The following TOGARAM1 variants were observed in gnomAD, a reference collection of about 807,000 sequenced individuals.
TOGARAM1 encodes TOG array regulator of axonemal microtubules 1.
In TOGARAM1, 100 loss-of-function variants were observed where a neutral mutation model predicts 166.6. The observed-to-expected ratio is 0.60, with a 90% CI of 0.51 to 0.71. TOGARAM1 has a LOEUF of 0.71. Among genes scored for constraint, TOGARAM1 ranks in the 30% least tolerant of loss-of-function variants. The pLI, the probability that TOGARAM1 is intolerant of heterozygous loss-of-function variation, is 0.00. For synonymous variants in TOGARAM1, 758 were observed against 763.8 expected (o/e 0.99, Z 0.13); for missense variants, 2,029 against 2,102.7 (o/e 0.96, Z 0.69).
At chr14:45,043,356 T>G (rs1881822958) in intron 11 of TOGARAM1, among the ~76,000 whole-genome samples, 1 of 152,108 alleles carries the variant, frequency 6.6e-6, no homozygotes, top group Non-Finnish European at 1.5e-5. Context: ...TTTTGTATTT[T>G]CAGTAGAGAC....
At position 45,027,180 on chromosome 14, in the gene TOGARAM1, G is replaced by T. The variant is rs577721833; in HGVS notation, c.3329-119G>T. ...TTTATATTTTATAATTATTTAGCAT[G>T]TTTTTCTTACTAACTGTGTTGTTTG... On this transcript the variant is annotated intron_variant, in intron 8 of 19. Transcript: ENST00000361462. 4.3e-6 allele frequency: 4 copies of T among 922,882 alleles called. No homozygotes were observed. In the African/African-American group the frequency reaches 6.8e-5, roughly 16 times the overall value. The allele number at this position is 922,882 out of a possible 1,614,324, so 57.2% of individuals were successfully genotyped here. A position where few individuals can be genotyped will look rare whatever the true frequency, so the allele number is the denominator to read the frequency against.
chr14:45,004,855 T>A (rs1887872060), intron 4 of TOGARAM1, among the ~76,000 whole-genome samples: 1 of 152,246 alleles, frequency 6.6e-6, no homozygotes, highest in Admixed American at 6.5e-5. Context: ...CATATGCTTA[T>A]TGCAATTAAT....
At chr14:45,065,040 C>A (rs1308393800) in intron 16 of TOGARAM1, among the ~76,000 whole-genome samples, 1 of 152,000 alleles carries the variant, frequency 6.6e-6, no homozygotes, top group Non-Finnish European at 1.5e-5. Context: ...TAGTATTAGA[C>A]CACTTTAAGT....
intron 7 of TOGARAM1, among the ~76,000 whole-genome samples, chr14:45,021,061 G>T (rs1880470319): frequency 6.6e-6 from 1 of 152,150 alleles, no homozygotes; most frequent in African/African-American, 2.4e-5. Context: ...CTAGTCCTTT[G>T]TAGGGGTTAG....
intron 10 of TOGARAM1, among the ~76,000 whole-genome samples, chr14:45,031,590 C>T (rs1033789592): frequency 1.3e-5 from 2 of 152,230 alleles, no homozygotes; most frequent in East Asian, 1.9e-4. Flanking sequence ...AAAATGGGAT[C>T]GTACTACTTC....
chr14:45,040,820 C>T (rs778822291), intron 11 of TOGARAM1, among the ~76,000 whole-genome samples: 1 of 152,162 alleles, frequency 6.6e-6, no homozygotes, highest in Non-Finnish European at 1.5e-5. Context: ...AGGCAGATCA[C>T]TTGAGGCCAG....
At chr14:45,059,683 A>G (rs571224831) in intron 16 of TOGARAM1, among the ~76,000 whole-genome samples, 1 of 152,076 alleles carries the variant, frequency 6.6e-6, no homozygotes, top group South Asian at 2.1e-4. Flanking sequence ...ACAAAACAAA[A>G]CAAAAAACAA....
At chr14:44,969,764 A>G (rs1469094712) in intron 1 of TOGARAM1, among the ~76,000 whole-genome samples, 1 of 152,046 alleles carries the variant, frequency 6.6e-6, no homozygotes, top group Non-Finnish European at 1.5e-5. Flanking sequence ...TTTTTTTTAC[A>G]TGTGCATGTT....
chr14:44,977,231 CT>C (rs397707333), intron 1 of TOGARAM1, among the ~76,000 whole-genome samples: 4,563 of 123,152 alleles, frequency 0.037, 259 homozygotes, highest in African/African-American at 0.13. Flanking sequence ...ATTAGACAGA[CT>C]TTTTTTTTTT....
At chr14:44,972,945 G>A (rs1436212716) in intron 1 of TOGARAM1, among the ~76,000 whole-genome samples, 2 of 151,992 alleles carry the variant, frequency 1.3e-5, no homozygotes, top group Non-Finnish European at 2.9e-5. Context: ...GTTATACATC[G>A]TTGTGCTTAA....
rs532764935 is a variant in TOGARAM1, at chr14:44,963,835, C to G, written c.1414C>G (p.Leu472Val). ...LMKEVGPQQVLCLLLEHLKHK... is the reference protein window; with the variant it reads ...LMKEVGPQQVVCLLLEHLKHK... ...GAAGGAAGTAGGACCTCAGCAGGTG[C>G]TTTGTTTACTCCTGGAACATCTCAA... The change falls in exon 1 of 20, where the codon CTT becomes GTT. Residue 472 changes from leucine to valine, a missense_variant. Physicochemically the swap from Leu to Val is conservative, Grantham distance 32 (BLOSUM62 1). Around this residue, in one of 2 missense-constraint regions of TOGARAM1, gnomAD observed 1,453 missense variants for 1,432.2 expected, o/e 1.01. Transcript: ENST00000361462. 9.9e-5 allele frequency: 160 copies of G among 1,614,102 alleles called. 1 individual carries two copies. The South Asian group carries it at 1.7e-3, about 17-fold the overall frequency.
chr14:45,011,861 TC>T, intron 6 of TOGARAM1, 113 bp from the exon 7 acceptor site: 1 of 644,984 alleles, frequency 1.6e-6, no homozygotes, highest in South Asian at 2.4e-5. Context: ...TACTTATTGC[TC>T]CCTTATTATC....
intron 15 of TOGARAM1, 80 bp from the exon 16 acceptor site, chr14:45,054,351 A>T: frequency 1.2e-6 from 1 of 846,812 alleles, no homozygotes; most frequent in Non-Finnish European, 1.8e-6. Context: ...AATGATGCCT[A>T]CTTTGAAAAT....
At chr14:45,015,929 A>G (rs1032249929) in intron 7 of TOGARAM1, among the ~76,000 whole-genome samples, 23 of 152,324 alleles carry the variant, frequency 1.5e-4, no homozygotes, top group Non-Finnish European at 3.1e-4. Flanking sequence ...CCCTAAGCAT[A>G]CCAATAAAGA....
chr14:44,962,792 G>C lies in TOGARAM1; in HGVS notation c.371G>C (p.Gly124Ala), dbSNP rs953105805. 6.2e-7 allele frequency: 1 copy of C among 1,612,462 alleles called. No homozygotes were observed. The highest frequency in any genetic ancestry group is 8.5e-7 in the Non-Finnish European group (1 of 1,180,006). ...QALQAALPRR[G>A]GRLGFPRRKE... is the part of the protein sequence containing the mutation. ...TTGCAAGCTGCTTTGCCGCGGCGGG[G>C]CGGTCGACTTGGCTTCCCCCGACGC... is the stretch of plus-strand genomic sequence containing the variant. Residue 124 changes from glycine to alanine, a missense_variant, in exon 1 of 20, where the codon GGC becomes GCC. Gly to Ala is a moderately conservative substitution (Grantham distance 60). Coordinates refer to ENST00000361462, the MANE Select transcript of TOGARAM1 (RefSeq NM_001308120.2).
chr14:44,991,007 T>TA (rs1176636932), intron 1 of TOGARAM1, among the ~76,000 whole-genome samples: 7 of 143,962 alleles, frequency 4.9e-5, no homozygotes, highest in African/African-American at 1.8e-4. Flanking sequence ...TCTTCCAAGC[T>TA]AGAGTGCTGT....
intron 10 of TOGARAM1, among the ~76,000 whole-genome samples, chr14:45,030,082 A>T (rs1379314270): frequency 6.6e-6 from 1 of 152,152 alleles, no homozygotes; most frequent in Non-Finnish European, 1.5e-5. Flanking sequence ...AGCCTCCCAG[A>T]ATGCTGGGAT....
chr14:44,977,783 C>T (rs1437729338), intron 1 of TOGARAM1, among the ~76,000 whole-genome samples: 1 of 151,938 alleles, frequency 6.6e-6, no homozygotes, highest in Admixed American at 6.6e-5. Context: ...GTAGCTGGGA[C>T]TACAGGCGTG....
At chr14:45,033,253 A>C (rs1881262770) in intron 11 of TOGARAM1, among the ~76,000 whole-genome samples, 1 of 100,998 alleles carries the variant, frequency 9.9e-6, no homozygotes, top group African/African-American at 7.0e-5. Context: ...ACTCTGTCTC[A>C]AAAAAAAAAA....
Sources: allele counts gnomAD v4.1 joint callset (sites outside exome capture counted in the v4.1 genomes callset), GRCh38; gene constraint gnomAD v4.1.1; regional missense constraint gnomAD v4.1.1; transcripts MANE v1.5; gene names NCBI Gene and HGNC (gene_info 2026-07-23, HGNC 2026-07-21).